ANXA8: variants seen among roughly 807,000 people sequenced by gnomAD.
The protein encoded by ANXA8 is annexin A8, also known as VAC-beta.
Under a neutral mutation model 26.8 loss-of-function variants are expected in ANXA8, and 9 were observed. The observed-to-expected ratio is 0.34, with a 90% confidence interval of 0.20 to 0.59. The LOEUF (loss-of-function observed/expected upper bound fraction) is 0.59. Ranked by LOEUF, ANXA8 falls within the 20% of genes least tolerant of loss-of-function variation. The probability of loss-of-function intolerance (pLI) is 0.84; values close to 1 mark genes in which losing one functional copy is unlikely to be tolerated. For missense variants in ANXA8, 83 were observed against 238.5 expected, an observed-to-expected ratio of 0.35 and a Z score of 4.29; for synonymous variants, 39 against 94.8, an observed-to-expected ratio of 0.41 and a Z score of 3.42.
chr10:47,744,324 T>C, the ANXA8 span, among the ~76,000 whole-genome samples: 1 of 148,276 alleles, frequency 6.7e-6, no homozygotes, highest in African/African-American at 2.5e-5. Flanking sequence ...TCTAGCTCCA[T>C]CACCTTCTAG....
At chr10:47,708,620 C>G in the ANXA8 span, among the ~76,000 whole-genome samples, 6 of 150,834 alleles carry the variant, frequency 4.0e-5, no homozygotes, top group East Asian at 1.2e-3. Flanking sequence ...GCAGTATTCC[C>G]AGGTAACAGA....
At chr10:47,733,231 C>CTTTCTTTCTTTCTTTCTTTCTTTCTT in the ANXA8 span, among the ~76,000 whole-genome samples, 4 of 75,066 alleles carry the variant, frequency 5.3e-5, no homozygotes, top group East Asian at 7.6e-4. Flanking sequence ...CTCTTTCTTT[C>CTTTCTTTCTTTCTTTCTTTCTTTCTT]TCTCTTTCTT....
the ANXA8 span, among the ~76,000 whole-genome samples, chr10:47,541,123 C>T: frequency 2.7e-3 from 315 of 116,252 alleles, no homozygotes; most frequent in East Asian, 0.015. Context: ...CCCAGGAGTT[C>T]GAGACCAGCC....
At chr10:47,488,712 AATTTTTTTTTTTTT>A (rs1163125912), upstream of ANXA8, among the ~76,000 whole-genome samples, 5 of 95,952 alleles carry the variant, frequency 5.2e-5, no homozygotes, top group Admixed American at 2.5e-4. Flanking sequence ...TTACATGTTA[AATTTTTTTTTTTTT>A]TTTTTTTTTT....
chr10:47,698,594 C>T, the ANXA8 span, among the ~76,000 whole-genome samples: 12 of 151,622 alleles, frequency 7.9e-5, no homozygotes, highest in African/African-American at 2.4e-5. Context: ...AATCCCAGCA[C>T]TCTGGGTGGC....
the ANXA8 span, among the ~76,000 whole-genome samples, chr10:47,705,837 G>A: frequency 1.1e-4 from 16 of 151,880 alleles, no homozygotes; most frequent in Non-Finnish European, 2.2e-4. Context: ...ATGACGCAGC[G>A]AGTTTCAGTC....
At chr10:47,750,782 C>G in the ANXA8 span, 1 of 151,130 alleles carries the variant, frequency 6.6e-6, no homozygotes, top group Non-Finnish European at 1.5e-5. Context: ...CATGCTCCCT[C>G]TAATAAATCT....
the ANXA8 span, among the ~76,000 whole-genome samples, chr10:47,555,929 G>T: frequency 3.9e-5 from 6 of 151,988 alleles, no homozygotes; most frequent in African/African-American, 1.2e-4. Context: ...TGAGAATGAA[G>T]TTATACTTAA....
At chr10:47,743,724 C>A in the ANXA8 span, among the ~76,000 whole-genome samples, 1 of 149,990 alleles carries the variant, frequency 6.7e-6, no homozygotes, top group African/African-American at 2.5e-5. Context: ...CGGCTGCGGG[C>A]CACAGGCCGC....
At chr10:47,950,755 A>G in the ANXA8 span, among the ~76,000 whole-genome samples, 1 of 151,238 alleles carries the variant, frequency 6.6e-6, no homozygotes, top group Non-Finnish European at 1.5e-5. Context: ...GAAAATCACA[A>G]AAGATATTTT....
At chr10:47,729,660 C>T in the ANXA8 span, among the ~76,000 whole-genome samples, 1 of 151,598 alleles carries the variant, frequency 6.6e-6, no homozygotes. Flanking sequence ...GAGCACTCGT[C>T]TGATGTACTG....
At chr10:47,765,932 T>C in the ANXA8 span, among the ~76,000 whole-genome samples, 1 of 148,646 alleles carries the variant, frequency 6.7e-6, no homozygotes, top group Non-Finnish European at 1.5e-5. Flanking sequence ...TCAATGCCCC[T>C]CCCACCCTCC....
the ANXA8 span, among the ~76,000 whole-genome samples, chr10:47,952,641 C>T: frequency 4.0e-4 from 59 of 146,298 alleles, 1 homozygote; most frequent in Admixed American, 1.1e-3. Flanking sequence ...ATTGACAAAG[C>T]GATTCCAAAA....
At chr10:47,577,487 A>C in the ANXA8 span, among the ~76,000 whole-genome samples, 2 of 147,134 alleles carry the variant, frequency 1.4e-5, no homozygotes, top group Non-Finnish European at 3.0e-5. Context: ...TGGACAACAT[A>C]GTGAGACCCC....
chr10:47,559,407 C>T, the ANXA8 span, among the ~76,000 whole-genome samples: 1 of 151,700 alleles, frequency 6.6e-6, no homozygotes, highest in South Asian at 2.1e-4. Flanking sequence ...GGATTATAGG[C>T]GTGAGCCACC....
chr10:47,967,462 T>A, the ANXA8 span, among the ~76,000 whole-genome samples: 2 of 131,800 alleles, frequency 1.5e-5, no homozygotes, highest in African/African-American at 5.8e-5. Flanking sequence ...TTAAACCATA[T>A]AATTGTACTT....
the ANXA8 span, among the ~76,000 whole-genome samples, chr10:47,614,799 C>T: frequency 5.6e-5 from 2 of 35,404 alleles, 1 homozygote; most frequent in South Asian, 3.7e-3. Flanking sequence ...GCTGGGATTA[C>T]GGGTATGTGC....
At chr10:47,986,081 G>A in the ANXA8 span, 1 of 150,892 alleles carries the variant, frequency 6.6e-6, no homozygotes, top group Non-Finnish European at 1.5e-5. Context: ...TTAGATATGA[G>A]TTTTCACCTC....
the ANXA8 span, among the ~76,000 whole-genome samples, chr10:47,649,560 C>A: frequency 3.3e-5 from 5 of 151,254 alleles, no homozygotes; most frequent in African/African-American, 9.8e-5. Context: ...AGGCACGCAC[C>A]ACCACGCCCG....
Sources: gnomAD v4.1 joint callset for allele counts (sites outside exome capture counted in the v4.1 genomes callset) on GRCh38, gnomAD v4.1.1 for gene constraint, MANE v1.5 for transcripts, NCBI Gene and HGNC (gene_info 2026-07-23, HGNC 2026-07-21) for gene names.